The following ZFAND6 variants were observed in gnomAD, a reference collection of about 807,000 sequenced individuals.
ZFAND6 encodes the protein AN1-type zinc finger protein 6.
ZFAND6 carries 12 observed loss-of-function variants against 24.5 expected under a neutral mutation model. That is an observed-to-expected ratio of 0.49 (90% confidence interval 0.31 to 0.79). The LOEUF (loss-of-function observed/expected upper bound fraction) is 0.79, where lower values mean the gene tolerates loss of function less well. Ranked by LOEUF, ZFAND6 falls within the 30% of genes least tolerant of loss-of-function variation. The pLI is 0.04. For synonymous variants in ZFAND6, 92 were observed against 81.5 expected, an observed-to-expected ratio of 1.13 and a Z score of -0.69; for missense variants, 207 against 245.9, an observed-to-expected ratio of 0.84 and a Z score of 1.06.
chr15:80,094,345 A>G (rs77249567), intron 1 of ZFAND6, among the ~76,000 whole-genome samples: 1,613 of 152,232 alleles, frequency 0.011, 27 homozygotes, highest in African/African-American at 0.033. Context: ...CTGGATTCTC[A>G]TAGGAGTGCG....
intron 1 of ZFAND6, chr15:80,073,301 T>C (rs1413046874): frequency 2.9e-6 from 1 of 348,362 alleles, no homozygotes; most frequent in Non-Finnish European, 5.7e-6. Context: ...AAACAGGAAA[T>C]GAAAGGATTT....
chr15:80,060,645 A>G (rs1245145405), intron 1 of ZFAND6: 1 of 152,236 alleles, frequency 6.6e-6, no homozygotes, highest in Non-Finnish European at 1.5e-5. Flanking sequence ...AGAATTGGCC[A>G]CGCGCGGTGA....
At chr15:80,131,513 T>C (rs2040601525) in intron 6 of ZFAND6, 3 of 467,080 alleles carry the variant, frequency 6.4e-6, no homozygotes, top group Non-Finnish European at 7.6e-6. Context: ...TTCAGTTGAA[T>C]TTAGAAGTAT....
rs55872915 is a variant in ZFAND6 at position 80,127,589 on chromosome 15, CAAAAA to C, written c.365-3569_365-3565del. Among the ~76,000 whole-genome samples, 47 of 120,044 alleles carry C rather than the reference CAAAAA, an allele frequency of 3.9e-4. 1 individual carries two copies. The highest frequency in any genetic ancestry group is 1.1e-3 in the African/African-American group (29 of 27,254). The allele number at this position is 120,044 out of a possible 152,430, so 78.8% of individuals were successfully genotyped here. ...TGGGCAAAAGGGCAAAACTCCATCTCAAAAAAAAAAAAAAAAAAAAAAAAAACCAT... is the reference window on the plus strand; with the variant it reads ...TGGGCAAAAGGGCAAAACTCCATCTCAAAAAAAAAAAAAAAAAAAAACCAT... On this transcript the variant is annotated intron_variant, in intron 5 of 6. Coordinates refer to ENST00000261749, the MANE Select transcript of ZFAND6 (RefSeq NM_019006.4).
At position 80,059,765 on chromosome 15, in the gene ZFAND6, C is replaced by CCGG. The variant is rs1423044262; in HGVS notation, c.-216_-214dup. 2.6e-5 allele frequency: 4 copies of CCGG among 152,224 alleles called. No homozygotes were observed. The highest frequency in any genetic ancestry group is 1.3e-4 in the Admixed American group (2 of 15,280). 9.4% of individuals were successfully genotyped at this position (152,224 alleles called of 1,614,324 possible). On this transcript the variant is annotated 5_prime_UTR_variant, in exon 1 of 7. Coordinates refer to ENST00000261749, the MANE Select transcript of ZFAND6 (RefSeq NM_019006.4). Reference sequence around the variant, plus strand: ...ACCTGTACCCATTCACCGGCGGCTACCGGCGGCGGCGCGCAGCGTGTCAGG... The same window carrying CCGG: ...ACCTGTACCCATTCACCGGCGGCTACCGGCGGCGGCGGCGCGCAGCGTGTCAGG...
intron 6 of ZFAND6, among the ~76,000 whole-genome samples, chr15:80,133,017 A>G (rs1184233314): frequency 6.6e-6 from 1 of 150,890 alleles, no homozygotes; most frequent in Non-Finnish European, 1.5e-5. Context: ...GTACTTTTTT[A>G]TGAAATACCT....
intron 6 of ZFAND6, 69 bp downstream of exon 6, chr15:80,131,362 G>A: frequency 7.6e-7 from 1 of 1,313,660 alleles, no homozygotes; most frequent in Non-Finnish European, 1.1e-6. Flanking sequence ...TACTGTTGTT[G>A]ACTTCAATTA....
chr15:80,118,016 T>TTGTGTATGTG lies in ZFAND6; in HGVS notation c.-17-2307_-17-2306insATGTGTGTGT, dbSNP rs1555434593. On this transcript the variant is annotated intron_variant, in intron 2 of 6. Transcript: ENST00000261749. ...GCTGGGATTCAATCCAGGTATTGAA[T>TTGTGTATGTG]TGTGTGTGTGTGTGTGTGTATATGT... 5.8e-3 allele frequency among the ~76,000 whole-genome samples: 869 copies of TTGTGTATGTG among 150,412 alleles called. 12 individuals are homozygous for TTGTGTATGTG. The highest frequency in any genetic ancestry group is 0.02 in the African/African-American group (838 of 40,930).
chr15:80,123,969 T>C (rs2040260147), intron 5 of ZFAND6, among the ~76,000 whole-genome samples: 1 of 152,346 alleles, frequency 6.6e-6, no homozygotes, highest in African/African-American at 2.4e-5. Flanking sequence ...ACCAGTTTGC[T>C]TGTTTGTGTA....
At chr15:80,099,433 G>A (rs1471063129) in intron 2 of ZFAND6, among the ~76,000 whole-genome samples, 1 of 152,126 alleles carries the variant, frequency 6.6e-6, no homozygotes, top group Admixed American at 6.5e-5. Context: ...ATAAAATCTT[G>A]TTAACTGTTC....
intron 1 of ZFAND6, among the ~76,000 whole-genome samples, chr15:80,064,607 TACACAC>T (rs9302291): frequency 2.7e-4 from 40 of 150,622 alleles, no homozygotes; most frequent in South Asian, 6.3e-4. Context: ...CATGTATACA[TACACAC>T]ACACACACAC....
chr15:80,137,337 T>G, intron 6 of ZFAND6, 143 bp from the exon 7 acceptor site: 5 of 913,196 alleles, frequency 5.5e-6, no homozygotes, highest in Non-Finnish European at 7.6e-6. Flanking sequence ...TGAATAAGAA[T>G]GTAGTTTGTG....
intron 2 of ZFAND6, among the ~76,000 whole-genome samples, chr15:80,099,481 T>G (rs1276944833): frequency 6.6e-6 from 1 of 152,216 alleles, no homozygotes; most frequent in Admixed American, 6.5e-5. Context: ...ATGCAGTGTA[T>G]GCACTAAAAT....
intron 1 of ZFAND6, among the ~76,000 whole-genome samples, chr15:80,066,486 T>C: frequency 6.6e-6 from 1 of 152,032 alleles, no homozygotes; most frequent in Non-Finnish European, 1.5e-5. Flanking sequence ...CTAATTTTTG[T>C]ATTTTTAGTA....
intron 1 of ZFAND6, among the ~76,000 whole-genome samples, chr15:80,093,884 A>G (rs1171390055): frequency 6.6e-6 from 1 of 151,862 alleles, no homozygotes; most frequent in African/African-American, 2.4e-5. Context: ...GTGCAGTAGA[A>G]TAATAAGATT....
Position 80,106,300 on chromosome 15 carries a change from C to T in ZFAND6, c.-18+7722C>T, listed in dbSNP as rs1596276124. ...CTATGTGCCTGGCATTAATCTAGAG[C>T]GGGAATTGGCCAACTATGACCCACT... On this transcript the variant is annotated intron_variant, in intron 2 of 6. Coordinates refer to ENST00000261749, the MANE Select transcript of ZFAND6 (RefSeq NM_019006.4). Among the ~76,000 whole-genome samples, 9 of 152,244 alleles carry T rather than the reference C, an allele frequency of 5.9e-5. No individual in the cohort carries two copies. In the East Asian group the frequency reaches 1.2e-3, roughly 20 times the overall value.
At chr15:80,065,553 T>G (rs1161483108) in intron 1 of ZFAND6, among the ~76,000 whole-genome samples, 1 of 142,968 alleles carries the variant, frequency 7.0e-6, no homozygotes, top group Non-Finnish European at 1.5e-5. Flanking sequence ...TTTTTTTTTT[T>G]TTTTTTTTTG....
In ZFAND6 at chr15:80,131,229, T is replaced by G. The variant is rs1567100786; in HGVS notation, c.414T>G (p.Ser138=). 1 of 1,612,794 alleles carries G rather than the reference T, an allele frequency of 6.2e-7. No individual in the cohort carries two copies. The highest frequency in any genetic ancestry group is 1.1e-5 in the South Asian group (1 of 90,962). ...AQQPSEEQSK[S]LEKPKQKKNR... ...AGCCATCTGAAGAGCAAAGCAAGTC[T>G]CTTGAAAAACCGAAACAAAAAAAGA... The change falls in exon 6 of 7, where the codon TCT becomes TCG. Residue 138 remains serine, a synonymous_variant. Transcript: ENST00000261749.
intron 2 of ZFAND6, among the ~76,000 whole-genome samples, chr15:80,103,166 G>A (rs2039127211): frequency 6.6e-6 from 1 of 152,182 alleles, no homozygotes; most frequent in Non-Finnish European, 1.5e-5. Context: ...GGCAGTGAAT[G>A]GCATGTGTAA....
Sources: gnomAD v4.1 joint callset for allele counts (sites outside exome capture counted in the v4.1 genomes callset) on GRCh38, gnomAD v4.1.1 for gene constraint, MANE v1.5 for transcripts, NCBI Gene and HGNC (gene_info 2026-07-23, HGNC 2026-07-21) for gene names.